The following SLC35F3 variants were observed in gnomAD, a reference collection of about 807,000 sequenced individuals.
The protein encoded by SLC35F3 is putative thiamine transporter SLC35F3.
Under a neutral mutation model 49.9 loss-of-function variants are expected in SLC35F3, and 25 were observed. The observed-to-expected ratio is 0.50, with a 90% CI of 0.37 to 0.70. The LOEUF (loss-of-function observed/expected upper bound fraction) is 0.70, where lower values mean the gene tolerates loss of function less well. Among genes scored for constraint, SLC35F3 ranks in the 30% least tolerant of loss-of-function variants. The pLI, the probability that SLC35F3 is intolerant of heterozygous loss-of-function variation, is 0.00. For missense variants in SLC35F3, 525 were observed against 639.8 expected, an observed-to-expected ratio of 0.82 and a Z score of 1.94; for synonymous variants, 275 against 265.4, an observed-to-expected ratio of 1.04 and a Z score of -0.35.
At chr1:234,234,742 G>C (rs151280664) in intron 3 of SLC35F3, among the ~76,000 whole-genome samples, 1 of 152,112 alleles carries the variant, frequency 6.6e-6, no homozygotes, top group South Asian at 2.1e-4. Context: ...CACTCATGAC[G>C]GGAGGCTCCG....
Position 234,169,500 on chromosome 1 carries a change from G to T in SLC35F3, c.284-61917G>T, listed in dbSNP as rs1666366577. On this transcript the variant is annotated intron_variant, in intron 2 of 7. Transcript: ENST00000366618. ...TGTGTCACAACGGGCAGCCAGAGGG[G>T]CACTGGCCTCTGCCTGAAAACTTTG... Among the ~76,000 whole-genome samples, 8 of 152,308 alleles carry T rather than the reference G, an allele frequency of 5.3e-5. No individual in the cohort carries two copies. The South Asian group carries it at 1.2e-3, about 24-fold the overall frequency.
At chr1:234,259,746 G>GGACA (rs1371748385) in intron 3 of SLC35F3, among the ~76,000 whole-genome samples, 3 of 151,696 alleles carry the variant, frequency 2.0e-5, no homozygotes. Context: ...GTTTAGGCAG[G>GGACA]GACAGGGTAA....
chr1:234,155,363 A>G (rs1666134841), intron 2 of SLC35F3, among the ~76,000 whole-genome samples: 1 of 151,118 alleles, frequency 6.6e-6, no homozygotes, highest in South Asian at 2.1e-4. Context: ...ATAAACTTCC[A>G]TGTCCTTCTA....
intron 2 of SLC35F3, among the ~76,000 whole-genome samples, chr1:234,202,212 GACATGTGGTGCAGA>G (rs1479503652): frequency 6.6e-6 from 1 of 152,128 alleles, no homozygotes; most frequent in Non-Finnish European, 1.5e-5. Flanking sequence ...AGAACACATG[GACATGTGGTGCAGA>G]ACAACACATA....
chr1:234,069,188 A>T lies in SLC35F3; in HGVS notation c.284-162229A>T, dbSNP rs1236349199. ...TATATAATATAATATATAAAATTTTATATATAAATACATATTTATATATTA... is the reference window on the plus strand; with the variant it reads ...TATATAATATAATATATAAAATTTTTTATATAAATACATATTTATATATTA... On this transcript the variant is annotated intron_variant, in intron 2 of 7. Coordinates refer to ENST00000366618, the MANE Select transcript of SLC35F3 (RefSeq NM_173508.4). 2.0e-4 allele frequency among the ~76,000 whole-genome samples: 28 copies of T among 140,174 alleles called. 1 individual carries two copies. Among genetic ancestry groups the T allele is most frequent in the Non-Finnish European group, 3.7e-4 (24 of 65,606 alleles). 92.0% of individuals were successfully genotyped at this position (140,174 alleles called of 152,430 possible).
At chr1:234,237,504 G>A (rs2102954776) in intron 3 of SLC35F3, among the ~76,000 whole-genome samples, 1 of 152,274 alleles carries the variant, frequency 6.6e-6, no homozygotes, top group African/African-American at 2.4e-5. Context: ...CATTGCCAAG[G>A]GAGCCCTAAT....
intron 2 of SLC35F3, among the ~76,000 whole-genome samples, chr1:234,063,200 G>C (rs1287649918): frequency 6.6e-6 from 1 of 152,152 alleles, no homozygotes; most frequent in Non-Finnish European, 1.5e-5. Flanking sequence ...AGGAGTTACA[G>C]ATGAACTGGG....
intron 2 of SLC35F3, among the ~76,000 whole-genome samples, chr1:234,140,229 G>A (rs1483683418): frequency 6.6e-6 from 1 of 151,996 alleles, no homozygotes; most frequent in Non-Finnish European, 1.5e-5. Context: ...ACGTCACAAT[G>A]CCTATGTTAT....
intron 2 of SLC35F3, among the ~76,000 whole-genome samples, chr1:234,035,392 A>C (rs1664126616): frequency 6.6e-6 from 1 of 151,520 alleles, no homozygotes; most frequent in East Asian, 1.9e-4. Context: ...TATACCTTTA[A>C]AAAAAAAATC....
intron 2 of SLC35F3, among the ~76,000 whole-genome samples, chr1:233,952,482 G>T (rs534987113): frequency 1.3e-5 from 2 of 152,136 alleles, no homozygotes; most frequent in African/African-American, 4.8e-5. Flanking sequence ...CCCATCCATT[G>T]AAGATAAACT....
intron 3 of SLC35F3, among the ~76,000 whole-genome samples, chr1:234,286,385 G>C (rs897072662): frequency 1.3e-5 from 2 of 152,248 alleles, no homozygotes; most frequent in Non-Finnish European, 2.9e-5. Context: ...CAGGAACAGT[G>C]GCTGGGGCCA....
chr1:233,968,406 T>C (rs916946201), intron 2 of SLC35F3, among the ~76,000 whole-genome samples: 1 of 152,174 alleles, frequency 6.6e-6, no homozygotes, highest in African/African-American at 2.4e-5. Flanking sequence ...GTTTGTTACA[T>C]GGGTAAATTG....
intron 3 of SLC35F3, among the ~76,000 whole-genome samples, chr1:234,286,811 A>G (rs1264062883): frequency 6.6e-6 from 1 of 152,248 alleles, no homozygotes; most frequent in Non-Finnish European, 1.5e-5. Flanking sequence ...CTGTCACGAC[A>G]TGACAAAGGC....
intron 2 of SLC35F3, among the ~76,000 whole-genome samples, chr1:233,969,501 C>T (rs755377832): frequency 2.6e-5 from 4 of 152,144 alleles, no homozygotes; most frequent in African/African-American, 9.7e-5. Context: ...TGTCTGTTCT[C>T]CTGGTGTTCC....
intron 7 of SLC35F3, 94 bp from the exon 8 acceptor site, chr1:234,322,914 C>T: frequency 9.8e-7 from 1 of 1,016,638 alleles, no homozygotes; most frequent in South Asian, 1.4e-5. Flanking sequence ...ACAACACTGC[C>T]AGACAGAGGA....
At position 234,201,055 on chromosome 1, in the gene SLC35F3, A is replaced by G. The variant is rs1161374339; in HGVS notation, c.284-30362A>G. ...AGGCCCTCCTTTGCAGGAGCACAGT[A>G]TATCATCTCTAGCCATAACCCACAG... On this transcript the variant is annotated intron_variant, in intron 2 of 7. Coordinates refer to ENST00000366618, the MANE Select transcript of SLC35F3 (RefSeq NM_173508.4). 2.0e-5 allele frequency among the ~76,000 whole-genome samples: 3 copies of G among 152,212 alleles called. No homozygotes were observed. The East Asian group carries it at 5.8e-4, about 29-fold the overall frequency.
intron 2 of SLC35F3, among the ~76,000 whole-genome samples, chr1:234,032,957 G>C (rs547845886): frequency 6.6e-6 from 1 of 152,134 alleles, no homozygotes; most frequent in South Asian, 2.1e-4. Context: ...TTCCATAGTA[G>C]TTATACTAGT....
At chr1:233,919,733 T>C (rs775511072) in intron 2 of SLC35F3, among the ~76,000 whole-genome samples, 3 of 152,168 alleles carry the variant, frequency 2.0e-5, no homozygotes, top group Non-Finnish European at 2.9e-5. Context: ...TCATTTATGC[T>C]CAGGCGTTCT....
Position 233,905,590 on chromosome 1 carries a change from CG to C in SLC35F3, c.117del (p.Gln40SerfsTer15), listed in dbSNP as rs1661761339. ...RRLSDISPQL[R>X]QLKYLVVDEA... ...ACTGTCCGACATCAGCCCCCAGCTC[CG>C]GCAGCTCAAGTACTTGGTGGTGGAC... On this transcript the variant is annotated frameshift_variant, in exon 2 of 8. Coordinates refer to ENST00000366618, the MANE Select transcript of SLC35F3 (RefSeq NM_173508.4). LOFTEE classifies it high-confidence loss of function. 1 of 1,614,148 alleles carries C rather than the reference CG, an allele frequency of 6.2e-7. No homozygotes were observed. Among genetic ancestry groups the C allele is most frequent in the East Asian group, 2.2e-5 (1 of 44,868 alleles).
Sources: allele counts gnomAD v4.1 joint callset (sites outside exome capture counted in the v4.1 genomes callset), GRCh38; gene constraint gnomAD v4.1.1; transcripts MANE v1.5; gene names NCBI Gene and HGNC (gene_info 2026-07-23, HGNC 2026-07-21).